Variants in PITPNB observed in about 807,000 individuals in gnomAD.
PITPNB encodes phosphatidylinositol transfer protein beta.
PITPNB carries 16 observed loss-of-function variants against 45.9 expected under a neutral mutation model. That is an observed-to-expected ratio of 0.35 (90% confidence interval 0.24 to 0.53). The LOEUF is 0.53. Among genes scored for constraint, PITPNB ranks in the 20% least tolerant of loss-of-function variants. The pLI is 0.93. For synonymous variants in PITPNB, 112 were observed against 108.9 expected, an observed-to-expected ratio of 1.03 and a Z score of -0.18; for missense variants, 188 against 330.5, an observed-to-expected ratio of 0.57 and a Z score of 3.34.
rs1410064946 is a variant in PITPNB, at chr22:27,852,415, A to T, written c.*1287T>A. On this transcript the variant is annotated 3_prime_UTR_variant, in exon 12 of 12. Transcript: ENST00000335272. ...TTGTTCCTTCCTTTAAATAAAAAATAAAATTAAATTAAAAAAAGTGGCAGC... is the reference window on the plus strand; with the variant it reads ...TTGTTCCTTCCTTTAAATAAAAAATTAAATTAAATTAAAAAAAGTGGCAGC... 4 of 152,244 alleles carry T rather than the reference A, an allele frequency of 2.6e-5. No individual in the cohort carries two copies. Among genetic ancestry groups the T allele is most frequent in the Admixed American group, 6.5e-5 (1 of 15,290 alleles). The allele number at this position is 152,244 out of a possible 1,614,324, so 9.4% of individuals were successfully genotyped here. A position where few individuals can be genotyped will look rare whatever the true frequency, so the allele number is the denominator to read the frequency against.
chr22:27,904,740 A>G (rs1436165595), intron 3 of PITPNB, among the ~76,000 whole-genome samples: 2 of 152,300 alleles, frequency 1.3e-5, no homozygotes, highest in East Asian at 1.9e-4. Flanking sequence ...GTAATGATGG[A>G]GATGGAAGAA....
chr22:27,877,069 A>G (rs1313889440), intron 7 of PITPNB, among the ~76,000 whole-genome samples: 1 of 152,222 alleles, frequency 6.6e-6, no homozygotes, highest in East Asian at 1.9e-4. Context: ...CTTGGGGAAA[A>G]AAGAGAGCAA....
At chr22:27,854,660 A>T (rs910985852) in intron 11 of PITPNB, among the ~76,000 whole-genome samples, 194 bp downstream of exon 11, 6 of 152,318 alleles carry the variant, frequency 3.9e-5, no homozygotes, top group Non-Finnish European at 8.8e-5. Flanking sequence ...GGATTACTAA[A>T]TTCAACCTGG....
intron 3 of PITPNB, among the ~76,000 whole-genome samples, chr22:27,906,460 C>G (rs1935764915): frequency 6.6e-6 from 1 of 152,192 alleles, no homozygotes; most frequent in Non-Finnish European, 1.5e-5. Flanking sequence ...TGGAAAATAA[C>G]TCTTCCACAG....
At position 27,860,380 on chromosome 22, in the gene PITPNB, T is replaced by A; in HGVS notation, c.535-139A>T. Reference sequence around the variant, plus strand: ...TGTGTTTAATTCAGATATTTGAAAATTTGAAATCATTTTAGCAAAAGCCGC... The same window carrying A: ...TGTGTTTAATTCAGATATTTGAAAAATTGAAATCATTTTAGCAAAAGCCGC... On this transcript the variant is annotated intron_variant, in intron 8 of 11. Coordinates refer to ENST00000335272, the MANE Select transcript of PITPNB (RefSeq NM_012399.5). 6 of 571,618 alleles carry A rather than the reference T, an allele frequency of 1.0e-5. No individual in the cohort carries two copies. In the South Asian group the frequency reaches 1.6e-4, roughly 15 times the overall value. The allele number at this position is 571,618 out of a possible 1,614,324, so 35.4% of individuals were successfully genotyped here.
chr22:27,903,109 A>G (rs990834559), intron 3 of PITPNB, among the ~76,000 whole-genome samples: 11 of 152,278 alleles, frequency 7.2e-5, no homozygotes, highest in Non-Finnish European at 1.0e-4. Flanking sequence ...AATCACCTCT[A>G]TGATAAGGAA....
chr22:27,868,776 A>G (rs747938246), intron 8 of PITPNB, among the ~76,000 whole-genome samples: 1 of 152,200 alleles, frequency 6.6e-6, no homozygotes, highest in Non-Finnish European at 1.5e-5. Context: ...TATATATTCC[A>G]AAGTTCAGAG....
intron 3 of PITPNB, among the ~76,000 whole-genome samples, chr22:27,907,424 C>G (rs1019760498): frequency 4.6e-5 from 7 of 152,202 alleles, no homozygotes; most frequent in Non-Finnish European, 7.3e-5. Context: ...TTGTGGACAT[C>G]TGACTGCCCC....
intron 1 of PITPNB, among the ~76,000 whole-genome samples, chr22:27,916,555 TA>T (rs766654788): frequency 3.0e-4 from 45 of 152,302 alleles, no homozygotes; most frequent in Non-Finnish European, 5.4e-4. Context: ...CTCACACCTG[TA>T]ATCCCAGCAC....
intron 1 of PITPNB, 182 bp downstream of exon 1, chr22:27,918,990 T>C: frequency 1.3e-6 from 1 of 793,050 alleles, no homozygotes; most frequent in Non-Finnish European, 2.0e-6. Context: ...CGGCAATGCC[T>C]GGAGGGCCGA....
chr22:27,852,254 T>A lies in PITPNB; in HGVS notation c.*1448A>T, dbSNP rs114995617. On this transcript the variant is annotated 3_prime_UTR_variant, in exon 12 of 12. Transcript: ENST00000335272. ...TTTGACTGCAGGGGTTGGCGTGTTT[T>A]AGGAGGGACAGGAGGTTACAAAAGA... 6.6e-6 allele frequency: 1 copy of A among 152,138 alleles called. No homozygotes were observed. Among genetic ancestry groups the A allele is most frequent in the Non-Finnish European group, 1.5e-5 (1 of 68,022 alleles). 9.4% of individuals were successfully genotyped at this position (152,138 alleles called of 1,614,324 possible). A position where few individuals can be genotyped will look rare whatever the true frequency, so the allele number is the denominator to read the frequency against.
At chr22:27,898,951 T>A (rs1417785416) in intron 3 of PITPNB, among the ~76,000 whole-genome samples, 7 of 152,198 alleles carry the variant, frequency 4.6e-5, no homozygotes, top group Admixed American at 4.6e-4. Flanking sequence ...ATGAAGTGAC[T>A]GATATAGTGA....
chr22:27,875,967 C>T (rs2146369640), intron 7 of PITPNB, among the ~76,000 whole-genome samples: 1 of 152,294 alleles, frequency 6.6e-6, no homozygotes, highest in Middle Eastern at 3.4e-3. Flanking sequence ...AGGAAACACA[C>T]TTTTAAAATG....
chr22:27,908,159 T>C (rs1935818110), intron 3 of PITPNB, among the ~76,000 whole-genome samples: 1 of 151,646 alleles, frequency 6.6e-6, no homozygotes, highest in East Asian at 2.0e-4. Context: ...CTAAATCAAC[T>C]GTTTCAAAAA....
chr22:27,911,043 T>G lies in PITPNB; in HGVS notation c.118A>C (p.Ile40Leu). 1.2e-6 allele frequency: 2 copies of G among 1,610,274 alleles called. No homozygotes were observed. The highest frequency in any genetic ancestry group is 1.7e-6 in the Non-Finnish European group (2 of 1,176,536). The change falls in exon 3 of 12, where the codon ATT (isoleucine) becomes CTT (leucine). Residue 40 changes from isoleucine (I) to leucine (L), a missense_variant. By Grantham distance (5) the Ile-to-Leu change is conservative (BLOSUM62 2). Transcript: ENST00000335272. Reference protein sequence around the residue: ...SKNETGGGEGIEVLKNEPYEK... With the variant: ...SKNETGGGEGLEVLKNEPYEK... Reference sequence around the variant, plus strand: ...TAAGGTTCATTCTTTAAGACTTCAATTCCTTCTCCACCACCAGTCTCATTC... The same window carrying G: ...TAAGGTTCATTCTTTAAGACTTCAAGTCCTTCTCCACCACCAGTCTCATTC...
At chr22:27,889,646 C>T (rs776641237) in intron 7 of PITPNB, among the ~76,000 whole-genome samples, 32 of 152,188 alleles carry the variant, frequency 2.1e-4, no homozygotes, top group Non-Finnish European at 1.2e-4. Flanking sequence ...CTTTGGACCA[C>T]GCTGTAAGCC....
chr22:27,890,322 T>G (rs976862128), intron 7 of PITPNB, among the ~76,000 whole-genome samples: 4 of 152,054 alleles, frequency 2.6e-5, no homozygotes, highest in African/African-American at 9.7e-5. Flanking sequence ...TTCTTCTCTT[T>G]CTTTTTGTAA....
At chr22:27,853,719 G>T in intron 11 of PITPNB, 56 bp from the exon 12 acceptor site, 1 of 1,240,568 alleles carries the variant, frequency 8.1e-7, no homozygotes, top group Non-Finnish European at 1.2e-6. Flanking sequence ...GACAGGAAAT[G>T]TTAGCAGCTC....
chr22:27,882,392 G>A (rs1934998444), intron 7 of PITPNB, among the ~76,000 whole-genome samples: 1 of 152,268 alleles, frequency 6.6e-6, no homozygotes, highest in Non-Finnish European at 1.5e-5. Context: ...AAAGGCAACT[G>A]AAATTTCAAA....
Sources: gnomAD v4.1 joint callset for allele counts (sites outside exome capture counted in the v4.1 genomes callset) on GRCh38, gnomAD v4.1.1 for gene constraint, MANE v1.5 for transcripts, NCBI Gene and HGNC (gene_info 2026-07-23, HGNC 2026-07-21) for gene names.